Variants in FGF7 observed in about 807,000 individuals in gnomAD.
FGF7 encodes the protein fibroblast growth factor 7, also known as FGF-7.
A neutral mutation model predicts 20.5 loss-of-function variants in FGF7; 6 were observed. The ratio of observed to expected loss-of-function variants is 0.29; its 90% CI spans 0.16 to 0.58. FGF7 has a LOEUF of 0.58. Ranked by LOEUF, FGF7 falls within the 20% of genes least tolerant of loss-of-function variation. The probability of loss-of-function intolerance (pLI) is 0.90; values close to 1 mark genes in which losing one functional copy is unlikely to be tolerated. For synonymous variants in FGF7, 64 were observed against 74.7 expected (o/e 0.86, Z 0.74); for missense variants, 144 against 228.8 (o/e 0.63, Z 2.39).
At chr15:49,465,974 A>G (rs4407014) in intron 2 of FGF7, among the ~76,000 whole-genome samples, 16,292 of 152,256 alleles carry the variant, frequency 0.11, 1,238 homozygotes, top group East Asian at 0.36. Flanking sequence ...AGCATAAGAT[A>G]GTCTCTTCAA....
intron 2 of FGF7, among the ~76,000 whole-genome samples, chr15:49,461,023 C>T (rs2053747530): frequency 6.6e-6 from 1 of 152,144 alleles, no homozygotes; most frequent in South Asian, 2.1e-4. Flanking sequence ...TGGGGCCAGC[C>T]TTCCCCTGAA....
At chr15:49,451,323 T>A (rs1012510463) in intron 2 of FGF7, among the ~76,000 whole-genome samples, 2 of 151,984 alleles carry the variant, frequency 1.3e-5, no homozygotes, top group African/African-American at 4.8e-5. Flanking sequence ...CTAAAAAAGT[T>A]TTATTAGGCA....
chr15:49,446,653 G>GCA (rs2052247390), intron 2 of FGF7, among the ~76,000 whole-genome samples: 5 of 151,508 alleles, frequency 3.3e-5, no homozygotes, highest in Non-Finnish European at 7.4e-5. Context: ...TAGGACAACA[G>GCA]TGAGGAATGG....
At chr15:49,428,867 T>C (rs780906981) in intron 2 of FGF7, among the ~76,000 whole-genome samples, 25 of 152,036 alleles carry the variant, frequency 1.6e-4, no homozygotes, top group Non-Finnish European at 3.4e-4. Context: ...GGCAATATTC[T>C]CTTTTGGACT....
intron 2 of FGF7, among the ~76,000 whole-genome samples, chr15:49,471,143 G>C (rs1053225457): frequency 6.6e-6 from 1 of 152,124 alleles, no homozygotes; most frequent in Non-Finnish European, 1.5e-5. Flanking sequence ...AGGAAGCCAA[G>C]AAGAAAAATT....
intron 2 of FGF7, among the ~76,000 whole-genome samples, chr15:49,479,974 CAAGTGAACAA>C (rs1052588865): frequency 2.0e-5 from 3 of 152,164 alleles, no homozygotes; most frequent in African/African-American, 7.2e-5. Context: ...CCCCACACTG[CAAGTGAACAA>C]AAGAGTGATA....
chr15:49,482,672 A>T (rs1267132464), intron 2 of FGF7, among the ~76,000 whole-genome samples: 1 of 152,092 alleles, frequency 6.6e-6, no homozygotes, highest in Non-Finnish European at 1.5e-5. Context: ...CTTATCAGGT[A>T]TAAGAATTTG....
chr15:49,440,265 C>G (rs551518523), intron 2 of FGF7, among the ~76,000 whole-genome samples: 58 of 151,816 alleles, frequency 3.8e-4, no homozygotes, highest in African/African-American at 1.3e-3. Flanking sequence ...TGTTTATACA[C>G]TCTTACAATT....
chr15:49,457,113 C>A (rs545487793), intron 2 of FGF7, among the ~76,000 whole-genome samples: 1 of 152,076 alleles, frequency 6.6e-6, no homozygotes, highest in Non-Finnish European at 1.5e-5. Flanking sequence ...TACAGCAAGA[C>A]GTTTGGGTTT....
At chr15:49,441,608 G>C (rs1445034547) in intron 2 of FGF7, among the ~76,000 whole-genome samples, 1 of 151,510 alleles carries the variant, frequency 6.6e-6, no homozygotes, top group African/African-American at 2.4e-5. Context: ...TCATGACATG[G>C]TATAATTTTC....
At chr15:49,426,115 C>T (rs1314793046) in intron 2 of FGF7, among the ~76,000 whole-genome samples, 1 of 151,642 alleles carries the variant, frequency 6.6e-6, no homozygotes, top group Non-Finnish European at 1.5e-5. Flanking sequence ...AATTATGACA[C>T]ATGGGGCAAC....
chr15:49,482,153 T>G (rs532795397), intron 2 of FGF7, among the ~76,000 whole-genome samples: 23 of 152,246 alleles, frequency 1.5e-4, no homozygotes, highest in African/African-American at 5.0e-4. Flanking sequence ...GGACTGTACC[T>G]TCATGTAGAA....
rs1428749789 is a variant in FGF7 at position 49,428,676 on chromosome 15, G to A, written c.286+4093G>A. Among the ~76,000 whole-genome samples the A allele has an allele frequency of 3.3e-5, 5 of 151,960 alleles. No individual in the cohort carries two copies. In the East Asian group the frequency reaches 9.7e-4, roughly 29 times the overall value. ...TGGAAGACAGAATCCAATCCCTCAG[G>A]ATAATTTTCATGCTTTTGGTATCCA... On this transcript the variant is annotated intron_variant, in intron 2 of 3. Coordinates refer to ENST00000267843, the MANE Select transcript of FGF7 (RefSeq NM_002009.4).
intron 2 of FGF7, among the ~76,000 whole-genome samples, chr15:49,474,345 T>C (rs1417831858): frequency 6.6e-6 from 1 of 152,192 alleles, no homozygotes; most frequent in East Asian, 1.9e-4. Context: ...CAAGGGCTGT[T>C]ATGTGGAAAT....
intron 2 of FGF7, among the ~76,000 whole-genome samples, chr15:49,452,293 T>C (rs2052828252): frequency 6.6e-6 from 1 of 152,178 alleles, no homozygotes; most frequent in African/African-American, 2.4e-5. Flanking sequence ...CCTCAAGTTA[T>C]CTGCCTGCCT....
intron 2 of FGF7, among the ~76,000 whole-genome samples, chr15:49,459,728 T>C (rs1269274402): frequency 2.6e-5 from 4 of 152,174 alleles, no homozygotes; most frequent in Non-Finnish European, 4.4e-5. Context: ...AACCAGGCTA[T>C]AGTTCATGAC....
intron 2 of FGF7, among the ~76,000 whole-genome samples, chr15:49,459,164 C>T (rs1056995689): frequency 1.3e-5 from 2 of 151,618 alleles, no homozygotes; most frequent in African/African-American, 2.4e-5. Flanking sequence ...AAAGAGTGTG[C>T]GTGTATGTTT....
At position 49,486,651 on chromosome 15, in the gene FGF7, C is replaced by T. The variant is rs1029262959; in HGVS notation, c.*2147C>T. On this transcript the variant is annotated 3_prime_UTR_variant, in exon 4 of 4. Coordinates refer to ENST00000267843, the MANE Select transcript of FGF7 (RefSeq NM_002009.4). ...ACAAGCTATGTTAGGACCAAATGCT[C>T]TTTGTCTATGGAGTTATACTTCCAT... 5.3e-5 allele frequency: 8 copies of T among 151,944 alleles called. No homozygotes were observed. 9.4% of individuals were successfully genotyped at this position (151,944 alleles called of 1,614,324 possible).
chr15:49,463,179 C>T (rs1052053565), intron 2 of FGF7, among the ~76,000 whole-genome samples: 2 of 152,206 alleles, frequency 1.3e-5, no homozygotes, highest in African/African-American at 4.8e-5. Flanking sequence ...CTGGTCTTGC[C>T]TCTTGCCAAT....
Sources: allele counts gnomAD v4.1 joint callset (sites outside exome capture counted in the v4.1 genomes callset), GRCh38; gene constraint gnomAD v4.1.1; transcripts MANE v1.5; gene names NCBI Gene and HGNC (gene_info 2026-07-23, HGNC 2026-07-21).